FNBP1L: variants seen among roughly 807,000 people sequenced by gnomAD.
FNBP1L encodes the protein formin-binding protein 1-like.
FNBP1L carries 36 observed loss-of-function variants against 91.2 expected under a neutral mutation model. The observed-to-expected ratio is 0.39, with a 90% CI of 0.30 to 0.52. The LOEUF is 0.52. Among genes scored for constraint, FNBP1L ranks in the 20% least tolerant of loss-of-function variants. The pLI is 0.66. For synonymous variants in FNBP1L, 242 were observed against 237.0 expected, an observed-to-expected ratio of 1.02 and a Z score of -0.19; for missense variants, 571 against 732.1, an observed-to-expected ratio of 0.78 and a Z score of 2.54.
chr1:93,461,357 A>G (rs139852010), intron 1 of FNBP1L, among the ~76,000 whole-genome samples: 14 of 152,238 alleles, frequency 9.2e-5, no homozygotes, highest in African/African-American at 2.2e-4. Context: ...GCACAGTTTG[A>G]ATTTTTTCTT....
At chr1:93,491,942 TTTG>T (rs1239953346) in intron 1 of FNBP1L, among the ~76,000 whole-genome samples, 1 of 152,198 alleles carries the variant, frequency 6.6e-6, no homozygotes, top group East Asian at 1.9e-4. Flanking sequence ...ATTTTTATAA[TTTG>T]TAACTTATCA....
intron 7 of FNBP1L, 50 bp downstream of exon 7, chr1:93,530,933 A>C: frequency 7.1e-7 from 1 of 1,416,898 alleles, no homozygotes; most frequent in Admixed American, 2.5e-5. Context: ...CTGGTGTTTA[A>C]ATATAAAACT....
At chr1:93,521,459 A>G (rs1379506599) in intron 2 of FNBP1L, among the ~76,000 whole-genome samples, 1 of 152,154 alleles carries the variant, frequency 6.6e-6, no homozygotes, top group African/African-American at 2.4e-5. Flanking sequence ...AGTTTCACAT[A>G]CTGAGTGTAA....
At position 93,546,990 on chromosome 1, in the gene FNBP1L, A is replaced by G. The variant is rs1672264337; in HGVS notation, c.1407+16A>G. On this transcript the variant is annotated intron_variant, in intron 13 of 16. Coordinates refer to ENST00000271234, the MANE Select transcript of FNBP1L (RefSeq NM_001164473.3). The stretch of plus-strand genomic sequence containing the variant: ...TAAGAATGAGGTAGATTTGTTATTC[A>G]GCACTTGTCAAGATAAATTATTTTT... The G allele has an allele frequency of 6.2e-7, 1 of 1,603,418 alleles. No homozygotes were observed. Among genetic ancestry groups the G allele is most frequent in the Non-Finnish European group, 8.5e-7 (1 of 1,176,010 alleles).
chr1:93,539,724 A>G (rs1671964821), intron 10 of FNBP1L, among the ~76,000 whole-genome samples: 1 of 152,110 alleles, frequency 6.6e-6, no homozygotes, highest in African/African-American at 2.4e-5. Flanking sequence ...TCTTTCTTCA[A>G]ACCTTTCTAT....
chr1:93,456,388 T>C (rs6664053), intron 1 of FNBP1L, among the ~76,000 whole-genome samples: 8,528 of 152,152 alleles, frequency 0.056, 820 homozygotes, highest in African/African-American at 0.19. Flanking sequence ...GTGAGATTTT[T>C]CTATTTTTGG....
chr1:93,499,545 G>C lies in FNBP1L; in HGVS notation c.102G>C (p.Glu34Asp). 6.2e-7 allele frequency: 1 copy of C among 1,602,872 alleles called. No individual in the cohort carries two copies. The highest frequency in any genetic ancestry group is 8.5e-7 in the Non-Finnish European group (1 of 1,174,850). ...AAAGATATGCCAAATTTGTTAAAGA[G>C]AGGATAGAAATTGAACAGAACTATG... is the stretch of plus-strand genomic sequence containing the variant. ...FLERYAKFVK[E>D]RIEIEQNYAK... Residue 34 changes from glutamate to aspartate, a missense_variant, in exon 2 of 17, where the codon GAG becomes GAC. By Grantham distance (45) the Glu-to-Asp change is conservative. Transcript: ENST00000271234.
At chr1:93,479,425 ACAGCGTTC>A (rs1349031724) in intron 1 of FNBP1L, among the ~76,000 whole-genome samples, 5 of 152,132 alleles carry the variant, frequency 3.3e-5, no homozygotes, top group African/African-American at 4.8e-5. Flanking sequence ...ACAACAGAAA[ACAGCGTTC>A]CAGAGCAGAG....
At chr1:93,492,721 C>T (rs1040206081) in intron 1 of FNBP1L, among the ~76,000 whole-genome samples, 1 of 151,932 alleles carries the variant, frequency 6.6e-6, no homozygotes. Flanking sequence ...CCCAGGAGTT[C>T]GACGCTGCAG....
Position 93,463,473 on chromosome 1 carries a change from G to A in FNBP1L, c.24+15168G>A, listed in dbSNP as rs932985056. 9.9e-5 allele frequency among the ~76,000 whole-genome samples: 15 copies of A among 152,218 alleles called. No individual in the cohort carries two copies. In the East Asian group the frequency reaches 2.9e-3, roughly 29 times the overall value. ...GTTGAAAAACCATAAGTTGGGGACC[G>A]TCTGTGTACATATTTATAAATATTT... On this transcript the variant is annotated intron_variant, in intron 1 of 16. Transcript: ENST00000271234.
chr1:93,548,934 G>T (rs1429033636), intron 14 of FNBP1L, among the ~76,000 whole-genome samples: 1 of 152,132 alleles, frequency 6.6e-6, no homozygotes, highest in Non-Finnish European at 1.5e-5. Context: ...ATCCCTTAAG[G>T]AATTTTAGGA....
At chr1:93,532,152 T>A (rs1443821597) in intron 7 of FNBP1L, among the ~76,000 whole-genome samples, 1 of 152,070 alleles carries the variant, frequency 6.6e-6, no homozygotes, top group Non-Finnish European at 1.5e-5. Flanking sequence ...TACCAAAGTA[T>A]CCTGAATTAA....
At chr1:93,518,334 C>T (rs893029694) in intron 2 of FNBP1L, among the ~76,000 whole-genome samples, 8 of 152,154 alleles carry the variant, frequency 5.3e-5, no homozygotes, top group African/African-American at 1.9e-4. Flanking sequence ...CAAGATATTA[C>T]GGTAGCTTCC....
chr1:93,476,117 T>G (rs1669485592), intron 1 of FNBP1L, among the ~76,000 whole-genome samples: 1 of 152,246 alleles, frequency 6.6e-6, no homozygotes, highest in Non-Finnish European at 1.5e-5. Context: ...GGTATGTTAG[T>G]GCATTAAAAC....
chr1:93,518,778 A>T (rs1671220206), intron 2 of FNBP1L, among the ~76,000 whole-genome samples: 1 of 152,220 alleles, frequency 6.6e-6, no homozygotes, highest in African/African-American at 2.4e-5. Context: ...TAGTGTATTT[A>T]CAGAGTTGTG....
chr1:93,520,630 G>T (rs1273640366), intron 2 of FNBP1L, among the ~76,000 whole-genome samples: 4 of 152,126 alleles, frequency 2.6e-5, no homozygotes, highest in Admixed American at 6.5e-5. Flanking sequence ...GAGACTCAGG[G>T]TATAAAGCAC....
At chr1:93,511,867 G>T (rs1373044905) in intron 2 of FNBP1L, among the ~76,000 whole-genome samples, 1 of 149,614 alleles carries the variant, frequency 6.7e-6, no homozygotes, top group Non-Finnish European at 1.5e-5. Flanking sequence ...TTGGGAGGCT[G>T]AGGCAGGAGA....
intron 1 of FNBP1L, among the ~76,000 whole-genome samples, chr1:93,451,898 C>A (rs934835165): frequency 6.6e-6 from 1 of 152,180 alleles, no homozygotes; most frequent in Non-Finnish European, 1.5e-5. Flanking sequence ...GATCCGCCCG[C>A]CTCGGCCTCT....
chr1:93,485,602 C>A (rs1188286747), intron 1 of FNBP1L, among the ~76,000 whole-genome samples: 1 of 152,178 alleles, frequency 6.6e-6, no homozygotes, highest in Non-Finnish European at 1.5e-5. Flanking sequence ...TTTTTACTCA[C>A]ATCCCTAGTG....
Sources: allele counts gnomAD v4.1 joint callset (sites outside exome capture counted in the v4.1 genomes callset), GRCh38; gene constraint gnomAD v4.1.1; transcripts MANE v1.5; gene names NCBI Gene and HGNC (gene_info 2026-07-23, HGNC 2026-07-21).